Variants in FGD5 observed in about 807,000 individuals in gnomAD.
FGD5 encodes FYVE, RhoGEF and PH domain containing 5, also known as FYVE, RhoGEF and PH domain-containing protein 5.
Under a neutral mutation model 133.4 loss-of-function variants are expected in FGD5, and 28 were observed. That is an observed-to-expected ratio of 0.21 (90% CI 0.16 to 0.29). FGD5 has a LOEUF of 0.29. FGD5 is among the 10% of genes least tolerant of loss of function. The probability of loss-of-function intolerance (pLI) is 1.00; values close to 1 mark genes in which losing one functional copy is unlikely to be tolerated. For synonymous variants in FGD5, 810 were observed against 776.5 expected, an observed-to-expected ratio of 1.04 and a Z score of -0.72; for missense variants, 1,858 against 1,895.2, an observed-to-expected ratio of 0.98 and a Z score of 0.36.
rs536329036 is a variant in FGD5 at position 14,918,267 on chromosome 3, G to A, written c.3490-487G>A. ...ACTGAGGTGGGACAGTGGAGCCGCA[G>A]GCGGTTGTCATTGTCAAGGGCAGAG... On this transcript the variant is annotated intron_variant, in intron 12 of 19. Transcript: ENST00000285046. Among the ~76,000 whole-genome samples, 4 of 152,370 alleles carry A rather than the reference G, an allele frequency of 2.6e-5. No homozygotes were observed. The South Asian group carries it at 8.3e-4, about 32-fold the overall frequency.
chr3:14,821,327 C>G lies in FGD5; in HGVS notation c.2256C>G (p.Pro752=). The G allele has an allele frequency of 6.2e-7, 1 of 1,614,012 alleles. No homozygotes were observed. Among genetic ancestry groups the G allele is most frequent in the Non-Finnish European group, 8.5e-7 (1 of 1,179,898 alleles). ...CCTTTGAAGACCGCTCCCGGCCGCCCTTCCTGCCCTTGCCACTGACCAAGC... is the reference window on the plus strand; with the variant it reads ...CCTTTGAAGACCGCTCCCGGCCGCCGTTCCTGCCCTTGCCACTGACCAAGC... ...VESFEDRSRP[P]FLPLPLTKPR... is the part of the protein sequence containing the mutation. Residue 752 remains proline, a synonymous_variant, in exon 1 of 20, where the codon CCC becomes CCG. Coordinates refer to ENST00000285046, the MANE Select transcript of FGD5 (RefSeq NM_152536.4).
chr3:14,825,173 T>TA (rs2125072297), intron 1 of FGD5, among the ~76,000 whole-genome samples: 1 of 152,374 alleles, frequency 6.6e-6, no homozygotes, highest in African/African-American at 2.4e-5. Flanking sequence ...TCTGTGTAGT[T>TA]ACTTCCTTTG....
At chr3:14,822,997 G>A (rs1239705844) in intron 1 of FGD5, among the ~76,000 whole-genome samples, 5 of 152,176 alleles carry the variant, frequency 3.3e-5, no homozygotes, top group Non-Finnish European at 4.4e-5. Context: ...TGGGTAAGGC[G>A]ATTTATTTAT....
chr3:14,841,928 G>C (rs2125085979), intron 1 of FGD5, among the ~76,000 whole-genome samples: 1 of 152,324 alleles, frequency 6.6e-6, no homozygotes, highest in African/African-American at 2.4e-5. Flanking sequence ...GACTCAGGCA[G>C]TTGCCGAGAT....
chr3:14,878,150 G>T (rs2037755261), intron 2 of FGD5, among the ~76,000 whole-genome samples: 1 of 152,168 alleles, frequency 6.6e-6, no homozygotes, highest in African/African-American at 2.4e-5. Flanking sequence ...AACAGCACAT[G>T]CAGAGGCCCT....
chr3:14,851,020 G>A (rs2037153063), intron 1 of FGD5, among the ~76,000 whole-genome samples: 1 of 152,202 alleles, frequency 6.6e-6, no homozygotes, highest in Non-Finnish European at 1.5e-5. Flanking sequence ...GTCGTGGTGA[G>A]AAGGGCTTCT....
Position 14,910,929 on chromosome 3 carries a change from G to T in FGD5, c.3405G>T (p.Leu1135=). Reference sequence around the variant, plus strand: ...ACAGACGGCCCCGGCACCTATTTCTGGTAAGTGCCCGGTCCCCAAGCCCAG... The same window carrying T: ...ACAGACGGCCCCGGCACCTATTTCTTGTAAGTGCCCGGTCCCCAAGCCCAG... ...GKNRRPRHLF[L]MNDVLLYTYP... is the part of the protein sequence containing the mutation. Residue 1135 remains leucine (L), a splice_region_variant and synonymous_variant, in exon 11 of 20, where the codon CTG becomes CTT. Transcript: ENST00000285046. 1 of 1,611,294 alleles carries T rather than the reference G, an allele frequency of 6.2e-7. No individual in the cohort carries two copies. Among genetic ancestry groups the T allele is most frequent in the South Asian group, 1.1e-5 (1 of 90,392 alleles).
At chr3:14,846,570 G>A (rs962405268) in intron 1 of FGD5, among the ~76,000 whole-genome samples, 2 of 152,218 alleles carry the variant, frequency 1.3e-5, no homozygotes, top group African/African-American at 2.4e-5. Context: ...CTGCTCACAC[G>A]GCACCCCAGG....
chr3:14,843,705 G>GGGGAGACAGAGTCTCATTCT (rs2036970412), intron 1 of FGD5, among the ~76,000 whole-genome samples: 1 of 110,422 alleles, frequency 9.1e-6, no homozygotes. Flanking sequence ...TTTTTTTTTG[G>GGGGAGACAGAGTCTCATTCT]GGGGAGACAG....
At chr3:14,879,028 A>G (rs578123991) in intron 2 of FGD5, among the ~76,000 whole-genome samples, 25 of 152,338 alleles carry the variant, frequency 1.6e-4, no homozygotes, top group African/African-American at 5.5e-4. Flanking sequence ...GCTTTTAACC[A>G]CAACACTATG....
chr3:14,820,521 C>T lies in FGD5; in HGVS notation c.1450C>T (p.Pro484Ser). 6.8e-6 allele frequency: 11 copies of T among 1,613,860 alleles called. No individual in the cohort carries two copies. Among genetic ancestry groups the T allele is most frequent in the Non-Finnish European group, 9.3e-6 (11 of 1,179,828 alleles). ...GAAGAACACCAGCACGAGGGTCCGG[C>T]CCCACTCTGGGAAGGTGGCCGGCTA... is the stretch of plus-strand genomic sequence containing the variant. The part of the protein sequence containing the change: ...DRKNTSTRVR[P>S]HSGKVAGYVP... Residue 484 changes from proline to serine, a missense_variant, in exon 1 of 20, where the codon CCC becomes TCC. Pro to Ser is a moderately conservative substitution (Grantham distance 74, BLOSUM62 -1). Transcript: ENST00000285046.
chr3:14,918,785 A>G lies in FGD5; in HGVS notation c.3521A>G (p.Tyr1174Cys), dbSNP rs752681828. The G allele has an allele frequency of 7.4e-6, 12 of 1,613,824 alleles. No individual in the cohort carries two copies. The highest frequency in any genetic ancestry group is 2.2e-5 in the East Asian group (1 of 44,884). ...VSRPVMEKVP[Y>C]ALKIETSESC... is the part of the protein sequence containing the mutation. The stretch of plus-strand genomic sequence containing the variant: ...CGCCCTGTGATGGAGAAAGTGCCCT[A>G]CGCTCTAAAGATTGAGACTTCCGAG... The change falls in exon 13 of 20, where the codon TAC becomes TGC. Residue 1174 changes from tyrosine (Y) to cysteine (C), a missense_variant. This residue lies in a region of FGD5 where 1,824 missense variants were observed against 1,848.9 expected (regional missense o/e 0.99). Coordinates refer to ENST00000285046, the MANE Select transcript of FGD5 (RefSeq NM_152536.4).
Position 14,922,461 on chromosome 3 carries a change from G to C in FGD5, c.3720G>C (p.Val1240=). 1.9e-6 allele frequency: 3 copies of C among 1,574,818 alleles called. No homozygotes were observed. The highest frequency in any genetic ancestry group is 2.6e-6 in the Non-Finnish European group (3 of 1,160,330). Reference sequence around the variant, plus strand: ...TTGGGGAGAGGCCCCCCACCCTGGTGCCTGTCACACACGTCATGATGTGCA... The same window carrying C: ...TTGGGGAGAGGCCCCCCACCCTGGTCCCTGTCACACACGTCATGATGTGCA... ...VSLGERPPTL[V]PVTHVMMCMN... is the part of the protein sequence containing the mutation. Residue 1240 remains valine (V), a synonymous_variant, in exon 15 of 20, where the codon GTG becomes GTC. Coordinates refer to ENST00000285046, the MANE Select transcript of FGD5 (RefSeq NM_152536.4). This position sits in a 1 kb window ranked among gnomAD's most constrained non-coding sequence, Gnocchi z 4.1.
At chr3:14,928,311 A>G (rs1378118112) in intron 18 of FGD5, among the ~76,000 whole-genome samples, 1 of 151,908 alleles carries the variant, frequency 6.6e-6, no homozygotes, top group African/African-American at 2.4e-5. Flanking sequence ...GTCTCAAGTG[A>G]TCCTCCCACC....
rs2038940138 is a variant in FGD5 at position 14,933,922 on chromosome 3, T to G, written c.*755T>G. 1 of 151,616 alleles carries G rather than the reference T, an allele frequency of 6.6e-6. No individual in the cohort carries two copies. The highest frequency in any genetic ancestry group is 6.6e-5 in the Admixed American group (1 of 15,200). 9.4% of individuals were successfully genotyped at this position (151,616 alleles called of 1,614,324 possible). On this transcript the variant is annotated 3_prime_UTR_variant, in exon 20 of 20. Transcript: ENST00000285046. ...AGGGGTCCCTCCTCCCCCAGAGCAG[T>G]CCTCAACACTATGTCAGTGCTGGAA...
chr3:14,822,847 T>G (rs894165954), intron 1 of FGD5, among the ~76,000 whole-genome samples: 5 of 152,188 alleles, frequency 3.3e-5, no homozygotes, highest in Admixed American at 6.5e-5. Context: ...GGACCCGCAG[T>G]CTTGACTAGA....
rs761251618 is a variant in FGD5 at position 14,819,698 on chromosome 3, C to T, written c.627C>T (p.Thr209=). The T allele has an allele frequency of 5.2e-6, 8 of 1,537,628 alleles. No individual in the cohort carries two copies. The highest frequency in any genetic ancestry group is 6.1e-6 in the Non-Finnish European group (7 of 1,139,754). Residue 209 remains threonine, a synonymous_variant, in exon 1 of 20, where the codon ACC becomes ACT. Transcript: ENST00000285046. This position sits in a 1 kb window ranked among gnomAD's most constrained non-coding sequence, Gnocchi z 4.1. The part of the protein sequence containing the change: ...IHGEDQEPPD[T]PGEAEEDDEE... ...GAGAGGACCAGGAGCCCCCCGACAC[C>T]CCCGGGGAGGCAGAGGAGGATGATG...
chr3:14,898,837 C>A lies in FGD5; in HGVS notation c.3154+11C>A. ...AAGTGCTCCTCACAGGTGGGCCCCACAGGAGATCAATGGGGACTGAGGCGG... is the reference window on the plus strand; with the variant it reads ...AAGTGCTCCTCACAGGTGGGCCCCAAAGGAGATCAATGGGGACTGAGGCGG... On this transcript the variant is annotated intron_variant, in intron 7 of 19. Transcript: ENST00000285046. 1 of 1,569,132 alleles carries A rather than the reference C, an allele frequency of 6.4e-7. No homozygotes were observed. Among genetic ancestry groups the A allele is most frequent in the Non-Finnish European group, 8.6e-7 (1 of 1,158,008 alleles).
Position 14,845,022 on chromosome 3 carries a change from T to C in FGD5, c.2526-19106T>C, listed in dbSNP as rs2037022148. Among the ~76,000 whole-genome samples the C allele has an allele frequency of 2.0e-5, 3 of 152,242 alleles. No individual in the cohort carries two copies. The South Asian group carries it at 6.2e-4, about 32-fold the overall frequency. On this transcript the variant is annotated intron_variant, in intron 1 of 19. Coordinates refer to ENST00000285046, the MANE Select transcript of FGD5 (RefSeq NM_152536.4). ...GGAAAGGTGGCCACCTCAGCTCAGC[T>C]TCTAACTTCTGTGCCTCCTGGGATT...
Sources: gnomAD v4.1 joint callset for allele counts (sites outside exome capture counted in the v4.1 genomes callset) on GRCh38, gnomAD v4.1.1 for gene constraint, gnomAD v4.1.1 regional missense constraint, Gnocchi (gnomAD v3.1) non-coding constraint, MANE v1.5 for transcripts, NCBI Gene and HGNC (gene_info 2026-07-23, HGNC 2026-07-21) for gene names.